Variants in CSMD1 observed in about 807,000 individuals in gnomAD.
CSMD1 encodes CUB and sushi domain-containing protein 1.
Under a neutral mutation model 417.5 loss-of-function variants are expected in CSMD1, and 213 were observed. The ratio of observed to expected loss-of-function variants is 0.51; its 90% confidence interval spans 0.46 to 0.57. The LOEUF is 0.57. Ranked by LOEUF, CSMD1 falls within the 20% of genes least tolerant of loss-of-function variation. CSMD1 has a pLI of 0.00. For missense variants in CSMD1, 6,923 were observed against 4,529.7 expected (o/e 1.53, Z -15.17); for synonymous variants, 2,862 against 1,736.8 (o/e 1.65, Z -16.11).
At chr8:3,123,633 T>G in intron 41 of CSMD1, among the ~76,000 whole-genome samples, 1 of 152,156 alleles carries the variant, frequency 6.6e-6, no homozygotes, top group East Asian at 1.9e-4. Flanking sequence ...GAAAGCTGAT[T>G]GCTGGTTTCT....
intron 1 of CSMD1, among the ~76,000 whole-genome samples, chr8:4,650,349 A>G (rs1299321542): frequency 1.9e-5 from 1 of 52,242 alleles, no homozygotes; most frequent in Non-Finnish European, 4.3e-5. Context: ...CGTCTCAAGA[A>G]AAAAAAAAAA....
intron 2 of CSMD1, among the ~76,000 whole-genome samples, chr8:4,554,483 G>A (rs1024288962): frequency 4.6e-5 from 7 of 152,148 alleles, no homozygotes; most frequent in African/African-American, 1.7e-4. Context: ...AATAATTTGA[G>A]AATCTGGAAC....
intron 3 of CSMD1, among the ~76,000 whole-genome samples, chr8:4,159,731 G>C (rs538946848): frequency 1.3e-5 from 2 of 152,226 alleles, no homozygotes; most frequent in Admixed American, 6.5e-5. Context: ...TGGGACTACA[G>C]GTGCCCGCCA....
chr8:3,730,648 C>T (rs868444658), intron 6 of CSMD1, among the ~76,000 whole-genome samples: 3 of 152,188 alleles, frequency 2.0e-5, no homozygotes, highest in Non-Finnish European at 4.4e-5. Flanking sequence ...TACATTTCTT[C>T]TGACAGATTG....
chr8:3,473,061 A>T (rs1375334029), intron 11 of CSMD1, among the ~76,000 whole-genome samples: 2 of 152,136 alleles, frequency 1.3e-5, no homozygotes, highest in African/African-American at 4.8e-5. Context: ...ACTTGATTTT[A>T]ACTTACTAAA....
chr8:4,406,891 C>T (rs1805063333), intron 3 of CSMD1, among the ~76,000 whole-genome samples: 1 of 152,152 alleles, frequency 6.6e-6, no homozygotes, highest in Non-Finnish European at 1.5e-5. Flanking sequence ...CATTTACTTT[C>T]TCTATTGTGC....
At chr8:4,067,822 T>C (rs1226173453) in intron 3 of CSMD1, among the ~76,000 whole-genome samples, 2 of 151,942 alleles carry the variant, frequency 1.3e-5, no homozygotes, top group Non-Finnish European at 2.9e-5. Context: ...CTCATGTCTG[T>C]GATCCCAACA....
chr8:4,269,493 A>C (rs1804435630), intron 3 of CSMD1, among the ~76,000 whole-genome samples: 1 of 152,128 alleles, frequency 6.6e-6, no homozygotes, highest in African/African-American at 2.4e-5. Flanking sequence ...GACTTTTTTG[A>C]ATATGGGAAG....
chr8:3,834,694 G>T (rs1220660081), intron 5 of CSMD1, among the ~76,000 whole-genome samples: 1 of 152,004 alleles, frequency 6.6e-6, no homozygotes, highest in Non-Finnish European at 1.5e-5. Flanking sequence ...TGTAGTTGGT[G>T]TCAAAAGTCT....
intron 3 of CSMD1, among the ~76,000 whole-genome samples, chr8:4,152,825 G>A (rs1796640506): frequency 6.6e-6 from 1 of 152,158 alleles, no homozygotes; most frequent in African/African-American, 2.4e-5. Flanking sequence ...TAGTGAGAGA[G>A]TAGGGAATGT....
Position 3,854,590 on chromosome 8 carries a change from T to C in CSMD1, c.819-100548A>G, listed in dbSNP as rs562049840. On this transcript the variant is annotated intron_variant, in intron 5 of 69. Coordinates refer to ENST00000635120, the MANE Select transcript of CSMD1 (RefSeq NM_033225.6). ...TCTATCTCCCTGCACTGGAACTCCC[T>C]CACCCAAGGAGATTCCTAAATCTGG... is the stretch of plus-strand genomic sequence containing the variant. Among the ~76,000 whole-genome samples the C allele has an allele frequency of 3.8e-3, 575 of 152,186 alleles. 2 individuals are homozygous for C. Among genetic ancestry groups the C allele is most frequent in the Non-Finnish European group, 6.5e-3 (443 of 68,012 alleles).
At chr8:3,732,030 C>T (rs776330211) in intron 6 of CSMD1, among the ~76,000 whole-genome samples, 1 of 134,778 alleles carries the variant, frequency 7.4e-6, no homozygotes, top group African/African-American at 2.5e-5. Context: ...GCATGCTCTC[C>T]ACATTTTTTA....
intron 5 of CSMD1, among the ~76,000 whole-genome samples, chr8:3,806,314 G>C (rs757748509): frequency 2.6e-5 from 4 of 152,012 alleles, no homozygotes; most frequent in Admixed American, 1.3e-4. Context: ...TAATTCTTTG[G>C]GTAATTAATA....
At chr8:3,768,514 A>T (rs1482645313) in intron 5 of CSMD1, among the ~76,000 whole-genome samples, 1 of 152,218 alleles carries the variant, frequency 6.6e-6, no homozygotes, top group Non-Finnish European at 1.5e-5. Flanking sequence ...AATATAAAAT[A>T]GCATGAGACA....
chr8:3,567,450 A>T (rs573552224), intron 10 of CSMD1, among the ~76,000 whole-genome samples: 1 of 151,446 alleles, frequency 6.6e-6, no homozygotes, highest in African/African-American at 2.4e-5. Context: ...AAATAAAAAT[A>T]TAAATGAAGA....
chr8:3,691,301 A>T (rs957659481), intron 7 of CSMD1, among the ~76,000 whole-genome samples: 4 of 151,784 alleles, frequency 2.6e-5, no homozygotes, highest in African/African-American at 7.3e-5. Context: ...TGGGAGGCGG[A>T]GGTTGCAGTG....
At position 3,497,548 on chromosome 8, in the gene CSMD1, G is replaced by A. The variant is rs1008747976; in HGVS notation, c.1345-3822C>T. On this transcript the variant is annotated intron_variant, in intron 10 of 69. Coordinates refer to ENST00000635120, the MANE Select transcript of CSMD1 (RefSeq NM_033225.6). ...CCCTTCTAGGTATCTGGGATTACAG[G>A]GTCAATATACCCAGCCATTTCACAT... Among the ~76,000 whole-genome samples the A allele has an allele frequency of 2.0e-5, 3 of 152,036 alleles. No individual in the cohort carries two copies. The East Asian group carries it at 5.8e-4, about 29-fold the overall frequency.
chr8:3,274,889 CAGT>C (rs1488015612), intron 26 of CSMD1, among the ~76,000 whole-genome samples: 3 of 152,106 alleles, frequency 2.0e-5, no homozygotes, highest in Admixed American at 6.5e-5. Context: ...TCCAGTTTGC[CAGT>C]CTGTGTCTTT....
intron 7 of CSMD1, among the ~76,000 whole-genome samples, chr8:3,635,787 C>A (rs1269021852): frequency 4.8e-5 from 6 of 125,132 alleles, no homozygotes; most frequent in African/African-American, 2.1e-4. Flanking sequence ...CCAGCTGCTT[C>A]CATCTCAAAA....
Sources: allele counts gnomAD v4.1 joint callset (sites outside exome capture counted in the v4.1 genomes callset), GRCh38; gene constraint gnomAD v4.1.1; transcripts MANE v1.5; gene names NCBI Gene and HGNC (gene_info 2026-07-23, HGNC 2026-07-21).